The following PDK1 variants were observed in gnomAD, a reference collection of about 807,000 sequenced individuals.
PDK1 encodes the protein [Pyruvate dehydrogenase (acetyl-transferring)] kinase isozyme 1, mitochondrial.
A neutral mutation model predicts 54.2 loss-of-function variants in PDK1; 39 were observed. The observed-to-expected ratio is 0.72, with a 90% CI of 0.56 to 0.94. The LOEUF is 0.94. PDK1 is among the 40% of genes least tolerant of loss of function. The pLI is 0.00. For synonymous variants in PDK1, 221 were observed against 207.1 expected (o/e 1.07, Z -0.58); for missense variants, 552 against 566.0 (o/e 0.98, Z 0.25).
the PDK1 span, among the ~76,000 whole-genome samples, chr2:172,670,287 ATTCTAGG>A: frequency 1.1e-4 from 16 of 152,224 alleles, no homozygotes; most frequent in African/African-American, 3.6e-4. Flanking sequence ...AAATTTTCAT[ATTCTAGG>A]ATCTCCAGTG....
chr2:172,613,908 A>C, the PDK1 span, among the ~76,000 whole-genome samples: 1 of 151,960 alleles, frequency 6.6e-6, no homozygotes, highest in African/African-American at 2.4e-5. Flanking sequence ...CTCAAACTGC[A>C]GCTGTGGATC....
chr2:172,629,330 A>G, the PDK1 span, among the ~76,000 whole-genome samples: 3 of 151,864 alleles, frequency 2.0e-5, no homozygotes, highest in Non-Finnish European at 2.9e-5. Flanking sequence ...CCTTCCCACC[A>G]CCCCATCCTG....
At chr2:172,573,901 T>C (rs1476916192) in intron 8 of PDK1, among the ~76,000 whole-genome samples, 1 of 152,156 alleles carries the variant, frequency 6.6e-6, no homozygotes, top group East Asian at 1.9e-4. Flanking sequence ...AGTGCTGGGA[T>C]TACAGGTGTG....
At chr2:172,626,366 A>G in the PDK1 span, among the ~76,000 whole-genome samples, 1 of 152,154 alleles carries the variant, frequency 6.6e-6, no homozygotes, top group African/African-American at 2.4e-5. Flanking sequence ...CTGTTGACAT[A>G]CTGGTATTGC....
At chr2:172,720,552 C>T in the PDK1 span, among the ~76,000 whole-genome samples, 27 of 152,238 alleles carry the variant, frequency 1.8e-4, no homozygotes, top group African/African-American at 6.3e-4. Flanking sequence ...TTGTTTTGTT[C>T]CTGTGTGATC....
chr2:172,594,331 A>G (rs891820376), intron 10 of PDK1, among the ~76,000 whole-genome samples: 4 of 152,160 alleles, frequency 2.6e-5, no homozygotes, highest in African/African-American at 9.7e-5. Flanking sequence ...GGCCTAGTGC[A>G]ATGTTTTTAT....
chr2:172,647,370 C>T, the PDK1 span, among the ~76,000 whole-genome samples: 4 of 151,948 alleles, frequency 2.6e-5, no homozygotes, highest in African/African-American at 9.7e-5. Context: ...GACTTTGAGG[C>T]TACCACACTG....
At chr2:172,569,629 G>A (rs1187054110) in intron 7 of PDK1, among the ~76,000 whole-genome samples, 2 of 152,152 alleles carry the variant, frequency 1.3e-5, no homozygotes, top group South Asian at 2.1e-4. Flanking sequence ...AAAACTGACC[G>A]AATATCTTAG....
the PDK1 span, among the ~76,000 whole-genome samples, chr2:172,700,358 G>A: frequency 4.0e-3 from 387 of 96,744 alleles, no homozygotes; most frequent in African/African-American, 9.7e-3. Context: ...CCCACCTCCT[G>A]GACGGGGTGG....
the PDK1 span, among the ~76,000 whole-genome samples, chr2:172,650,814 C>T: frequency 1.3e-5 from 2 of 152,302 alleles, no homozygotes; most frequent in African/African-American, 4.8e-5. Context: ...AATACAGGAG[C>T]ACCCAGATTC....
At chr2:172,663,413 T>C in the PDK1 span, among the ~76,000 whole-genome samples, 1 of 152,286 alleles carries the variant, frequency 6.6e-6, no homozygotes, top group South Asian at 2.1e-4. Context: ...TTGTGCAGAT[T>C]GCCATGTGGG....
At chr2:172,674,757 G>A in the PDK1 span, 2 of 151,662 alleles carry the variant, frequency 1.3e-5, no homozygotes, top group East Asian at 3.9e-4. Flanking sequence ...CCGTCTGAAC[G>A]CCTAGAATGG....
At chr2:172,611,335 A>G (rs989828964), downstream of PDK1, among the ~76,000 whole-genome samples, 15 of 152,356 alleles carry the variant, frequency 9.8e-5, no homozygotes, top group Non-Finnish European at 2.2e-4. Context: ...ATCAACCAGG[A>G]TGAAATAATG....
At chr2:172,668,026 C>T in the PDK1 span, among the ~76,000 whole-genome samples, 1 of 152,208 alleles carries the variant, frequency 6.6e-6, no homozygotes, top group African/African-American at 2.4e-5. Context: ...AATTGTCTCA[C>T]TTCTGGTCTA....
intron 8 of PDK1, among the ~76,000 whole-genome samples, chr2:172,574,656 C>G (rs1247129978): frequency 2.6e-5 from 4 of 151,996 alleles, no homozygotes; most frequent in Non-Finnish European, 5.9e-5. Flanking sequence ...TAAATTTATT[C>G]CTAAGTATTT....
rs773893232 is a variant in PDK1 at position 172,586,289 on chromosome 2, A to T, written c.957A>T (p.Arg319=). 2 of 1,608,752 alleles carry T rather than the reference A, an allele frequency of 1.2e-6. No homozygotes were observed. Among genetic ancestry groups the T allele is most frequent in the South Asian group, 2.2e-5 (2 of 90,980 alleles). Residue 319 remains arginine, a synonymous_variant, in exon 9 of 11, where the codon CGA becomes CGT. Transcript: ENST00000282077. ...TTTTCTTACCTTAGATGAGTGACCGAGGAGGTGGCGTTCCTTTGAGGAAAA... is the reference window on the plus strand; with the variant it reads ...TTTTCTTACCTTAGATGAGTGACCGTGGAGGTGGCGTTCCTTTGAGGAAAA... ...NEDLTVKMSD[R]GGGVPLRKID...
intron 8 of PDK1, among the ~76,000 whole-genome samples, chr2:172,573,877 C>T (rs1320098022): frequency 1.3e-5 from 2 of 152,144 alleles, no homozygotes; most frequent in Admixed American, 6.5e-5. Context: ...AGTCCTCCCA[C>T]CTTGGCCTCC....
At chr2:172,665,809 G>A in the PDK1 span, among the ~76,000 whole-genome samples, 1 of 152,200 alleles carries the variant, frequency 6.6e-6, no homozygotes, top group South Asian at 2.1e-4. Flanking sequence ...ATGGGGTGGG[G>A]TTTGTGGAAA....
chr2:172,567,800 A>AT (rs1343335595), intron 6 of PDK1, among the ~76,000 whole-genome samples: 1 of 152,198 alleles, frequency 6.6e-6, no homozygotes, highest in Non-Finnish European at 1.5e-5. Flanking sequence ...GGTCTGATTT[A>AT]TTGGTTGAAT....
Sources: gnomAD v4.1 joint callset for allele counts (sites outside exome capture counted in the v4.1 genomes callset) on GRCh38, gnomAD v4.1.1 for gene constraint, MANE v1.5 for transcripts, NCBI Gene and HGNC (gene_info 2026-07-23, HGNC 2026-07-21) for gene names.